CCDC7: variants seen among roughly 807,000 people sequenced by gnomAD.
CCDC7 encodes coiled-coil domain containing 7, also known as coiled-coil domain-containing protein 7.
In CCDC7, 183 loss-of-function variants were observed where a neutral mutation model predicts 196.9. The observed-to-expected ratio is 0.93, with a 90% CI of 0.82 to 1.05. The LOEUF (loss-of-function observed/expected upper bound fraction) is 1.05, where lower values mean the gene tolerates loss of function less well. Among genes scored for constraint, CCDC7 ranks in the 50% least tolerant of loss-of-function variants. The probability of loss-of-function intolerance (pLI) is 0.00; values close to 1 mark genes in which losing one functional copy is unlikely to be tolerated. For synonymous variants in CCDC7, 525 were observed against 484.6 expected (o/e 1.08, Z -1.10); for missense variants, 1,540 against 1,482.2 (o/e 1.04, Z -0.64).
chr10:32,871,439 T>C (rs1009565056), intron 41 of CCDC7, among the ~76,000 whole-genome samples: 39 of 151,806 alleles, frequency 2.6e-4, no homozygotes, highest in African/African-American at 8.5e-4. Flanking sequence ...GTGGGATCAG[T>C]GGTGATATCC....
intron 13 of CCDC7, among the ~76,000 whole-genome samples, chr10:32,559,619 T>G (rs934420174): frequency 6.6e-6 from 1 of 152,134 alleles, no homozygotes; most frequent in African/African-American, 2.4e-5. Context: ...GTCCTGTCTG[T>G]TAGAAGGAAA....
At chr10:32,558,021 A>G (rs1213802726) in intron 13 of CCDC7, among the ~76,000 whole-genome samples, 1 of 152,062 alleles carries the variant, frequency 6.6e-6, no homozygotes, top group African/African-American at 2.4e-5. Context: ...AGATTTCCAT[A>G]ATTTTATTTA....
chr10:32,680,785 C>A (rs2075751987), intron 21 of CCDC7, among the ~76,000 whole-genome samples: 1 of 152,164 alleles, frequency 6.6e-6, no homozygotes. Context: ...TTTCCCATCT[C>A]CCAATTCATT....
At chr10:32,469,552 C>A (rs1053595490) in intron 5 of CCDC7, among the ~76,000 whole-genome samples, 2 of 152,168 alleles carry the variant, frequency 1.3e-5, no homozygotes, top group Admixed American at 6.5e-5. Context: ...GGAAAAGCCA[C>A]CTTCCAGAGA....
intron 13 of CCDC7, among the ~76,000 whole-genome samples, chr10:32,558,871 C>T (rs1322356815): frequency 6.6e-6 from 1 of 152,220 alleles, no homozygotes; most frequent in African/African-American, 2.4e-5. Flanking sequence ...GAGGCATTGC[C>T]TCACTCGGGA....
intron 32 of CCDC7, among the ~76,000 whole-genome samples, chr10:32,827,299 A>G (rs897202687): frequency 5.9e-5 from 9 of 152,192 alleles, no homozygotes; most frequent in Non-Finnish European, 1.0e-4. Flanking sequence ...GCAGAGACTA[A>G]CACTGAGCCC....
chr10:32,594,498 G>T (rs1191635627), intron 18 of CCDC7, among the ~76,000 whole-genome samples: 2 of 151,980 alleles, frequency 1.3e-5, no homozygotes, highest in Admixed American at 6.5e-5. Context: ...TCTGCAAACA[G>T]GGGCAATTTG....
At chr10:32,669,726 GTTC>G (rs977437201) in intron 21 of CCDC7, among the ~76,000 whole-genome samples, 7 of 152,040 alleles carry the variant, frequency 4.6e-5, no homozygotes, top group African/African-American at 1.2e-4. Flanking sequence ...AGTTGTGACA[GTTC>G]TTCTTTTATT....
At chr10:32,575,013 C>G (rs977960323) in intron 16 of CCDC7, among the ~76,000 whole-genome samples, 2 of 152,046 alleles carry the variant, frequency 1.3e-5, no homozygotes, top group African/African-American at 2.4e-5. Flanking sequence ...AGATAAGATG[C>G]CTTTTCTTGT....
intron 13 of CCDC7, among the ~76,000 whole-genome samples, chr10:32,553,904 T>G (rs2053915423): frequency 6.6e-6 from 1 of 152,186 alleles, no homozygotes; most frequent in Non-Finnish European, 1.5e-5. Flanking sequence ...GTGCCCTTTG[T>G]CTTCCCCTAC....
At chr10:32,474,210 C>CTTTTTTTTTT (rs71027095) in intron 8 of CCDC7, among the ~76,000 whole-genome samples, 187 bp downstream of exon 9, 3 of 58,956 alleles carry the variant, frequency 5.1e-5, no homozygotes, top group Admixed American at 2.8e-4. Context: ...AAACTAGATT[C>CTTTTTTTTTT]TTTTTTTTTT....
At chr10:32,603,528 G>GT (rs34716123) in intron 18 of CCDC7, among the ~76,000 whole-genome samples, 15,693 of 145,632 alleles carry the variant, frequency 0.11, 1,017 homozygotes, top group South Asian at 0.25. Flanking sequence ...CCTCTATAAT[G>GT]TTTTTTTTAA....
chr10:32,613,881 G>T (rs1011823323), intron 18 of CCDC7, among the ~76,000 whole-genome samples: 2 of 152,166 alleles, frequency 1.3e-5, no homozygotes, highest in Non-Finnish European at 2.9e-5. Flanking sequence ...TTGATTTTGG[G>T]TGAAGAGTTC....
At chr10:32,688,253 G>T (rs2076688456) in intron 22 of CCDC7, among the ~76,000 whole-genome samples, 1 of 152,032 alleles carries the variant, frequency 6.6e-6, no homozygotes, top group South Asian at 2.1e-4. Context: ...TCACTGGTGA[G>T]GTGAACCTGA....
At chr10:32,649,345 C>G (rs761017854) in intron 20 of CCDC7, among the ~76,000 whole-genome samples, 5 of 152,216 alleles carry the variant, frequency 3.3e-5, no homozygotes, top group African/African-American at 1.2e-4. Context: ...GAAAATTGGC[C>G]CCCAATCTTT....
intron 33 of CCDC7, among the ~76,000 whole-genome samples, chr10:32,842,565 C>T (rs1187932910): frequency 6.6e-6 from 1 of 152,070 alleles, no homozygotes. Flanking sequence ...AGTAGATCTA[C>T]CCTTTGATCC....
At chr10:32,726,817 A>G in exon 26 of CCDC7, 1 of 1,584,806 alleles carries the variant, frequency 6.3e-7, no homozygotes, top group Non-Finnish European at 8.6e-7. Flanking sequence ...AACTCCTGGA[A>G]GGGAAAGGCG....
At chr10:32,785,018 CAAAAA>C (rs927618984) in intron 29 of CCDC7, among the ~76,000 whole-genome samples, 71 of 151,514 alleles carry the variant, frequency 4.7e-4, no homozygotes, top group Non-Finnish European at 8.4e-4. Context: ...CAAAACAAAA[CAAAAA>C]AAAGAAATTT....
At chr10:32,813,787 A>G (rs1475970615) in intron 30 of CCDC7, among the ~76,000 whole-genome samples, 1 of 152,200 alleles carries the variant, frequency 6.6e-6, no homozygotes, top group Non-Finnish European at 1.5e-5. Flanking sequence ...CAGGTTGTGC[A>G]TCAGTTTTAC....
Sources: gnomAD v4.1 joint callset for allele counts (sites outside exome capture counted in the v4.1 genomes callset) on GRCh38, gnomAD v4.1.1 for gene constraint, MANE v1.5 for transcripts, NCBI Gene and HGNC (gene_info 2026-07-23, HGNC 2026-07-21) for gene names.